The following DMRT1 variants were observed in gnomAD, a reference collection of about 807,000 sequenced individuals.
DMRT1 encodes doublesex and mab-3 related transcription factor 1, also known as doublesex- and mab-3-related transcription factor 1.
A neutral mutation model predicts 32.3 loss-of-function variants in DMRT1; 7 were observed. The ratio of observed to expected loss-of-function variants is 0.22; its 90% CI spans 0.12 to 0.41. DMRT1 has a LOEUF of 0.41. Ranked by LOEUF, DMRT1 falls within the 10% of genes least tolerant of loss-of-function variation. DMRT1 has a pLI of 1.00. For missense variants in DMRT1, 625 were observed against 500.5 expected, an observed-to-expected ratio of 1.25 and a Z score of -2.37; for synonymous variants, 278 against 206.1, an observed-to-expected ratio of 1.35 and a Z score of -2.99.
At chr9:922,602 T>G (rs1818391065) in intron 4 of DMRT1, among the ~76,000 whole-genome samples, 1 of 152,188 alleles carries the variant, frequency 6.6e-6, no homozygotes, top group South Asian at 2.1e-4. Flanking sequence ...GCAAAAAGGT[T>G]TAGGTTTCAG....
At chr9:859,951 A>G (rs890503081) in intron 2 of DMRT1, among the ~76,000 whole-genome samples, 6 of 152,222 alleles carry the variant, frequency 3.9e-5, no homozygotes, top group Non-Finnish European at 7.3e-5. Context: ...CAGAACTTAT[A>G]AAAATTGCCG....
chr9:863,149 C>CAAAAAAA (rs55759836), intron 2 of DMRT1, among the ~76,000 whole-genome samples: 7 of 98,286 alleles, frequency 7.1e-5, no homozygotes, highest in East Asian at 3.3e-4. Context: ...CAGGTCTCTA[C>CAAAAAAA]AAAAAAAAAA....
chr9:940,224 A>G (rs545156382), intron 4 of DMRT1, among the ~76,000 whole-genome samples: 40 of 152,270 alleles, frequency 2.6e-4, no homozygotes, highest in African/African-American at 9.2e-4. Context: ...TATATCCAGA[A>G]GAACTGAAAG....
intron 2 of DMRT1, among the ~76,000 whole-genome samples, chr9:871,457 A>G (rs1038270784): frequency 1.3e-5 from 2 of 148,570 alleles, no homozygotes; most frequent in African/African-American, 5.0e-5. Context: ...CTCAGCCTCC[A>G]GAGTAGCTGG....
At position 841,862 on chromosome 9, in the gene DMRT1, C is replaced by G. The variant is rs199867033; in HGVS notation, c.24C>G (p.Ser8Arg). The change falls in exon 1 of 5, where the codon AGC (serine) becomes AGG (arginine). Residue 8 changes from serine (S) to arginine (R), a missense_variant. By Grantham distance (110) the Ser-to-Arg change is moderately radical. Coordinates refer to ENST00000382276, the MANE Select transcript of DMRT1 (RefSeq NM_021951.3). Reference sequence around the variant, plus strand: ...CCATGCCCAACGACGAGGCATTCAGCAAGCCCTCTACACCGTCGGAAGCCC... The same window carrying G: ...CCATGCCCAACGACGAGGCATTCAGGAAGCCCTCTACACCGTCGGAAGCCC... MPNDEAFSKPSTPSEAPH... is the reference protein window; with the variant it reads MPNDEAFRKPSTPSEAPH... 6.2e-7 allele frequency: 1 copy of G among 1,612,880 alleles called. No homozygotes were observed. Among genetic ancestry groups the G allele is most frequent in the Non-Finnish European group, 8.5e-7 (1 of 1,179,656 alleles).
At chr9:867,886 A>G (rs1816062502) in intron 2 of DMRT1, among the ~76,000 whole-genome samples, 1 of 152,226 alleles carries the variant, frequency 6.6e-6, no homozygotes, top group South Asian at 2.1e-4. Context: ...TTAACATACT[A>G]CATTTTATCA....
intron 2 of DMRT1, among the ~76,000 whole-genome samples, chr9:848,532 T>C (rs1839002195): frequency 6.7e-6 from 1 of 148,480 alleles, no homozygotes. Flanking sequence ...TATAATAGTT[T>C]CCAAACTTTT....
intron 4 of DMRT1, among the ~76,000 whole-genome samples, chr9:924,736 A>T (rs1266072860): frequency 3.3e-5 from 5 of 152,190 alleles, no homozygotes; most frequent in African/African-American, 4.8e-5. Context: ...GTATTTTTTA[A>T]TATATTACAC....
chr9:898,914 A>G (rs1030031061), intron 3 of DMRT1, among the ~76,000 whole-genome samples: 2 of 152,282 alleles, frequency 1.3e-5, no homozygotes, highest in East Asian at 1.9e-4. Flanking sequence ...TGAACATGGA[A>G]TATCTTTTCA....
Position 858,111 on chromosome 9 carries a change from G to A in DMRT1, c.538+10968G>A, listed in dbSNP as rs113783738. Among the ~76,000 whole-genome samples, 616 of 152,200 alleles carry A rather than the reference G, an allele frequency of 4.0e-3. 6 individuals carry two copies. Among genetic ancestry groups the A allele is most frequent in the African/African-American group, 0.014 (588 of 41,526 alleles). On this transcript the variant is annotated intron_variant, in intron 2 of 4. Coordinates refer to ENST00000382276, the MANE Select transcript of DMRT1 (RefSeq NM_021951.3). The stretch of plus-strand genomic sequence containing the variant: ...TACGTGTGCATGTGCCTTTTAATCT[G>A]TGAGTTTCTAAAATTGGAAAACCAC...
At chr9:859,715 G>A (rs1255062850) in intron 2 of DMRT1, among the ~76,000 whole-genome samples, 1 of 152,092 alleles carries the variant, frequency 6.6e-6, no homozygotes, top group African/African-American at 2.4e-5. Context: ...TTGCTAATCT[G>A]GTCTCATTGT....
chr9:841,784 G>A lies in DMRT1; in HGVS notation c.-55G>A. On this transcript the variant is annotated 5_prime_UTR_variant, in exon 1 of 5. Coordinates refer to ENST00000382276, the MANE Select transcript of DMRT1 (RefSeq NM_021951.3). ...CTGTCCGTCGGGTTCATCCCTCGCAGCAGTCTCCAGGCGAGAGAGGGGGCC... is the reference window on the plus strand; with the variant it reads ...CTGTCCGTCGGGTTCATCCCTCGCAACAGTCTCCAGGCGAGAGAGGGGGCC... 2 of 1,564,174 alleles carry A rather than the reference G, an allele frequency of 1.3e-6. No individual in the cohort carries two copies. Among genetic ancestry groups the A allele is most frequent in the East Asian group, 2.4e-5 (1 of 42,170 alleles).
At chr9:916,020 A>G (rs1401604734) in intron 3 of DMRT1, among the ~76,000 whole-genome samples, 2 of 152,194 alleles carry the variant, frequency 1.3e-5, no homozygotes, top group South Asian at 2.1e-4. Context: ...GACGTGAGCC[A>G]CTGCGTCCAG....
intron 2 of DMRT1, among the ~76,000 whole-genome samples, chr9:851,646 C>G (rs1839156738): frequency 6.6e-6 from 1 of 152,024 alleles, no homozygotes. Flanking sequence ...AGAATATTGG[C>G]CAAATTCTGA....
intron 4 of DMRT1, 62 bp downstream of exon 4, chr9:916,969 G>T: frequency 6.4e-7 from 1 of 1,573,802 alleles, no homozygotes; most frequent in Non-Finnish European, 8.7e-7. Flanking sequence ...CCAGTATTGG[G>T]TCATTAGCTG....
intron 2 of DMRT1, among the ~76,000 whole-genome samples, chr9:865,823 A>G (rs1815957696): frequency 6.6e-6 from 1 of 152,072 alleles, no homozygotes; most frequent in Admixed American, 6.6e-5. Context: ...TGTTTTGTTG[A>G]CTTCGCTGAT....
intron 3 of DMRT1, among the ~76,000 whole-genome samples, chr9:909,920 C>T (rs1234968096): frequency 1.3e-5 from 2 of 152,104 alleles, no homozygotes; most frequent in African/African-American, 4.8e-5. Context: ...CACCATGTTG[C>T]CCAGACTGTT....
At chr9:869,498 G>A (rs970714187) in intron 2 of DMRT1, among the ~76,000 whole-genome samples, 1 of 152,036 alleles carries the variant, frequency 6.6e-6, no homozygotes, top group Non-Finnish European at 1.5e-5. Flanking sequence ...CCTAGTTGTT[G>A]TCTCTAGTGA....
chr9:885,211 T>C (rs1816879990), intron 2 of DMRT1, among the ~76,000 whole-genome samples: 1 of 152,152 alleles, frequency 6.6e-6, no homozygotes, highest in South Asian at 2.1e-4. Flanking sequence ...TGGGTGTGTG[T>C]TACAGGGTGC....
Sources: gnomAD v4.1 joint callset for allele counts (sites outside exome capture counted in the v4.1 genomes callset) on GRCh38, gnomAD v4.1.1 for gene constraint, MANE v1.5 for transcripts, NCBI Gene and HGNC (gene_info 2026-07-23, HGNC 2026-07-21) for gene names.